BAIAP2: variants seen among roughly 807,000 people sequenced by gnomAD.
The protein encoded by BAIAP2 is BAR/IMD domain-containing adapter protein 2.
BAIAP2 carries 18 observed loss-of-function variants against 63.0 expected under a neutral mutation model. That is an observed-to-expected ratio of 0.29 (90% confidence interval 0.20 to 0.42). The LOEUF (loss-of-function observed/expected upper bound fraction) is 0.42, where lower values mean the gene tolerates loss of function less well. BAIAP2 is among the 10% of genes least tolerant of loss of function. The pLI is 1.00. For missense variants in BAIAP2, 610 were observed against 734.3 expected (o/e 0.83, Z 1.96); for synonymous variants, 386 against 307.6 (o/e 1.25, Z -2.67).
intron 12 of BAIAP2, chr17:81,107,743 T>G (rs1013794825): frequency 6.6e-6 from 1 of 152,326 alleles, no homozygotes; most frequent in African/African-American, 2.4e-5. Context: ...ACAGGTAGCC[T>G]GGGTGACTAC....
intron 6 of BAIAP2, among the ~76,000 whole-genome samples, chr17:81,088,470 ATCAC>A (rs1383419169): frequency 6.6e-6 from 1 of 152,212 alleles, no homozygotes; most frequent in Non-Finnish European, 1.5e-5. Flanking sequence ...CTGTGTGTCC[ATCAC>A]TCAGTCCGTT....
intron 13 of BAIAP2, among the ~76,000 whole-genome samples, chr17:81,112,841 A>G (rs1478059917): frequency 6.6e-6 from 1 of 152,110 alleles, no homozygotes; most frequent in East Asian, 1.9e-4. Flanking sequence ...TCTTGAGCCC[A>G]GGGGTTCGAG....
intron 3 of BAIAP2, among the ~76,000 whole-genome samples, chr17:81,061,321 T>A (rs1164208369): frequency 6.6e-6 from 1 of 152,218 alleles, no homozygotes; most frequent in East Asian, 1.9e-4. Context: ...TACAACTTCA[T>A]CGAGGTGTCT....
rs768024444 is a variant in BAIAP2 at position 81,057,983 on chromosome 17, CCCCCCCGCCTG to C, written c.217+17_217+27del. ...AAAGAACTCGGTGAGACCCCCCCCCCCCCCCCGCCTGGTAGTCGCCTGATGCCCTCAGGCAG... is the reference window on the plus strand; with the variant it reads ...AAAGAACTCGGTGAGACCCCCCCCCCGTAGTCGCCTGATGCCCTCAGGCAG... On this transcript the variant is annotated intron_variant, in intron 3 of 13. Coordinates refer to ENST00000428708, the MANE Select transcript of BAIAP2 (RefSeq NM_001144888.2). The C allele has an allele frequency of 2.6e-4, 317 of 1,212,274 alleles. 20 individuals carry two copies. Among genetic ancestry groups the C allele is most frequent in the East Asian group, 1.7e-3 (52 of 29,900 alleles). The allele number at this position is 1,212,274 out of a possible 1,614,324, so 75.1% of individuals were successfully genotyped here. A position where few individuals can be genotyped will look rare whatever the true frequency, so the allele number is the denominator to read the frequency against.
At chr17:81,057,784 G>A (rs1198935772) in intron 2 of BAIAP2, 97 bp from the exon 3 acceptor site, 86 of 1,491,350 alleles carry the variant, frequency 5.8e-5, no homozygotes, top group Non-Finnish European at 7.4e-5. Flanking sequence ...GCAGGAGACA[G>A]GGTTGGGCCT....
At chr17:81,100,508 A>G (rs921061422) in intron 7 of BAIAP2, among the ~76,000 whole-genome samples, 2 of 152,042 alleles carry the variant, frequency 1.3e-5, no homozygotes, top group African/African-American at 2.4e-5. Flanking sequence ...CCCTCTATCC[A>G]CAGTCCTGGG....
At position 81,116,630 on chromosome 17, in the gene BAIAP2, C is replaced by T. The variant is rs937108981; in HGVS notation, c.*791C>T. The T allele has an allele frequency of 5.0e-6, 2 of 403,006 alleles. No homozygotes were observed. Among genetic ancestry groups the T allele is most frequent in the East Asian group, 4.4e-5 (1 of 22,850 alleles). The allele number at this position is 403,006 out of a possible 1,614,324, so 25.0% of individuals were successfully genotyped here. On this transcript the variant is annotated 3_prime_UTR_variant, in exon 14 of 14. Transcript: ENST00000428708. ...CGCTTCCGGGGTCTGCCCCAGGACT[C>T]CTGGGTGGACCTCCCCCCCCCACCT...
intron 1 of BAIAP2, chr17:81,036,936 A>C: frequency 6.5e-7 from 1 of 1,535,876 alleles, no homozygotes. Context: ...GAAAGCAGGA[A>C]CTTTCGTGGT....
intron 3 of BAIAP2, among the ~76,000 whole-genome samples, chr17:81,074,818 G>A (rs1463237923): frequency 6.6e-6 from 1 of 152,280 alleles, no homozygotes; most frequent in Non-Finnish European, 1.5e-5. Context: ...GTGAGTGCAT[G>A]TGGGTGTACC....
intron 13 of BAIAP2, chr17:81,108,999 G>C: frequency 6.5e-7 from 1 of 1,547,420 alleles, no homozygotes; most frequent in Non-Finnish European, 8.7e-7. Flanking sequence ...CACAGTGTGA[G>C]GACGCTGACC....
At chr17:81,093,316 C>G (rs2057110267) in intron 6 of BAIAP2, among the ~76,000 whole-genome samples, 1 of 152,230 alleles carries the variant, frequency 6.6e-6, no homozygotes, top group Non-Finnish European at 1.5e-5. Flanking sequence ...CCTCAGCGGC[C>G]TGAAACTCCT....
intron 1 of BAIAP2, among the ~76,000 whole-genome samples, chr17:81,036,453 G>C (rs2046280513): frequency 6.6e-6 from 1 of 152,274 alleles, no homozygotes; most frequent in Non-Finnish European, 1.5e-5. Context: ...GCCTGGCCAG[G>C]GGCCTGGGAA....
At chr17:81,055,712 C>CCCG (rs2144223003) in intron 2 of BAIAP2, among the ~76,000 whole-genome samples, 1 of 151,982 alleles carries the variant, frequency 6.6e-6, no homozygotes, top group South Asian at 2.1e-4. Flanking sequence ...ACCACAGGTG[C>CCCG]CTGCCACCAC....
chr17:81,046,230 G>A lies in BAIAP2; in HGVS notation c.55-7438G>A, dbSNP rs186584786. On this transcript the variant is annotated intron_variant, in intron 1 of 13. Coordinates refer to ENST00000428708, the MANE Select transcript of BAIAP2 (RefSeq NM_001144888.2). The surrounding 1 kb of genome is among the most constrained non-coding windows in gnomAD (Gnocchi z 4.5). ...CTTCAGGCCCCCGTCCTAACCCTGC[G>A]CGCCGTTTCCTCCCAGAAACTTCCA... 1.2e-3 allele frequency among the ~76,000 whole-genome samples: 183 copies of A among 152,162 alleles called. 1 individual carries two copies. The highest frequency in any genetic ancestry group is 4.2e-3 in the African/African-American group (175 of 41,498).
chr17:81,080,797 A>T (rs775343420), intron 3 of BAIAP2, among the ~76,000 whole-genome samples: 1 of 152,154 alleles, frequency 6.6e-6, no homozygotes, highest in Non-Finnish European at 1.5e-5. Context: ...TGGGAGGATC[A>T]CAGAAACCTA....
intron 6 of BAIAP2, 124 bp from the exon 7 acceptor site, chr17:81,099,799 CTGTTT>C (rs2058243709): frequency 9.2e-7 from 1 of 1,081,208 alleles, no homozygotes; most frequent in South Asian, 1.7e-5. Context: ...GCCGCAGATG[CTGTTT>C]TGTTTCCAGC....
intron 3 of BAIAP2, among the ~76,000 whole-genome samples, chr17:81,069,496 C>A (rs540906279): frequency 2.3e-3 from 357 of 152,300 alleles, no homozygotes; most frequent in Non-Finnish European, 4.4e-3. Context: ...TTCTCGGCGG[C>A]CCCCGCTCAT....
rs1435774333 is a variant in BAIAP2 at position 81,094,056 on chromosome 17, G to T, written c.490-5872G>T. Among the ~76,000 whole-genome samples the T allele has an allele frequency of 3.3e-5, 5 of 152,066 alleles. No individual in the cohort carries two copies. In the East Asian group the frequency reaches 9.7e-4, roughly 29 times the overall value. On this transcript the variant is annotated intron_variant, in intron 6 of 13. Coordinates refer to ENST00000428708, the MANE Select transcript of BAIAP2 (RefSeq NM_001144888.2). ...CCAGGAGCCACGGAGCCCTCTCAGG[G>T]CTTCTGCATCCGCAGCTGACACAGG...
In BAIAP2 at chr17:81,107,099, GCCGCAGCAGGCTC is replaced by G. The variant is rs1438094011; in HGVS notation, c.1500+195_1500+207del. On this transcript the variant is annotated intron_variant, in intron 12 of 13. Transcript: ENST00000428708. ...GCTTCGGCCTCAGGCTGCCCGCCTC[GCCGCAGCAGGCTC>G]CCTGTGTCGGCATGCTGGGGCTGGG... 5 of 652,338 alleles carry G rather than the reference GCCGCAGCAGGCTC, an allele frequency of 7.7e-6. No homozygotes were observed. The South Asian group carries it at 1.2e-4, about 15-fold the overall frequency. The allele number at this position is 652,338 out of a possible 1,614,324, so 40.4% of individuals were successfully genotyped here.
Sources: gnomAD v4.1 joint callset for allele counts (sites outside exome capture counted in the v4.1 genomes callset) on GRCh38, gnomAD v4.1.1 for gene constraint, Gnocchi (gnomAD v3.1) non-coding constraint, MANE v1.5 for transcripts, NCBI Gene and HGNC (gene_info 2026-07-23, HGNC 2026-07-21) for gene names.